ASIC2: variants seen among roughly 807,000 people sequenced by gnomAD.
The protein encoded by ASIC2 is acid-sensing ion channel 2.
In ASIC2, 25 loss-of-function variants were observed where a neutral mutation model predicts 57.3. The ratio of observed to expected loss-of-function variants is 0.44; its 90% CI spans 0.32 to 0.61. ASIC2 has a LOEUF of 0.61. ASIC2 is among the 20% of genes least tolerant of loss of function. The pLI, the probability that ASIC2 is intolerant of heterozygous loss-of-function variation, is 0.06. For missense variants in ASIC2, 641 were observed against 738.1 expected, an observed-to-expected ratio of 0.87 and a Z score of 1.52; for synonymous variants, 319 against 307.5, an observed-to-expected ratio of 1.04 and a Z score of -0.39.
At chr17:33,557,216 C>A (rs1292810483) in intron 1 of ASIC2, among the ~76,000 whole-genome samples, 1 of 142,410 alleles carries the variant, frequency 7.0e-6, no homozygotes, top group Non-Finnish European at 1.5e-5. Context: ...TGTTAAGTAA[C>A]TTATCTAGTC....
chr17:33,282,208 G>A (rs761976615), intron 1 of ASIC2, among the ~76,000 whole-genome samples: 6 of 152,076 alleles, frequency 3.9e-5, no homozygotes, highest in Non-Finnish European at 7.4e-5. Flanking sequence ...AAACCTTACC[G>A]GCTTCAAACA....
At chr17:33,465,548 A>G (rs963747037) in intron 1 of ASIC2, among the ~76,000 whole-genome samples, 2 of 151,638 alleles carry the variant, frequency 1.3e-5, no homozygotes, top group Non-Finnish European at 2.9e-5. Context: ...TGAATTTTGT[A>G]TTTTTAGTAG....
At chr17:33,476,836 C>T (rs1010538222) in intron 1 of ASIC2, among the ~76,000 whole-genome samples, 2 of 152,072 alleles carry the variant, frequency 1.3e-5, no homozygotes, top group African/African-American at 4.8e-5. Context: ...ACCCAGAAGC[C>T]TTTCCAGTCA....
chr17:33,342,122 A>G (rs1907743304), intron 1 of ASIC2, among the ~76,000 whole-genome samples: 1 of 152,214 alleles, frequency 6.6e-6, no homozygotes, highest in Admixed American at 6.5e-5. Flanking sequence ...GGCAGGTGGT[A>G]TTAGTAGAAG....
intron 1 of ASIC2, among the ~76,000 whole-genome samples, chr17:33,426,771 C>CT (rs1487921295): frequency 6.6e-6 from 1 of 152,142 alleles, no homozygotes; most frequent in Non-Finnish European, 1.5e-5. Context: ...GATCTCTGTC[C>CT]TCATGGAGCT....
chr17:33,266,515 T>C (rs922321715), intron 1 of ASIC2, among the ~76,000 whole-genome samples: 4 of 151,688 alleles, frequency 2.6e-5, no homozygotes, highest in African/African-American at 9.7e-5. Flanking sequence ...TCTTTTTTCT[T>C]CTTCTTCAGG....
At chr17:33,161,204 T>A (rs1178991981) in intron 1 of ASIC2, among the ~76,000 whole-genome samples, 1 of 152,214 alleles carries the variant, frequency 6.6e-6, no homozygotes, top group African/African-American at 2.4e-5. Flanking sequence ...CCTTAGTCTT[T>A]CCTGCTGGAG....
intron 1 of ASIC2, among the ~76,000 whole-genome samples, chr17:33,162,732 C>G (rs9303661): frequency 0.26 from 39,465 of 152,078 alleles, 5,263 homozygotes; most frequent in East Asian, 0.4. Context: ...ATGCATTTCA[C>G]AAATTAATTG....
chr17:33,464,687 C>CTCTATATA (rs1264604173), intron 1 of ASIC2, among the ~76,000 whole-genome samples: 47 of 132,638 alleles, frequency 3.5e-4, no homozygotes, highest in African/African-American at 1.2e-3. Context: ...CTCTCTCTCT[C>CTCTATATA]TATATATATA....
chr17:33,718,475 T>C (rs1281374404), intron 1 of ASIC2, among the ~76,000 whole-genome samples: 1 of 152,008 alleles, frequency 6.6e-6, no homozygotes, highest in Non-Finnish European at 1.5e-5. Context: ...GATCTGAAAG[T>C]GTGAGAAGAT....
At chr17:33,112,113 C>A in intron 1 of ASIC2, 46 bp from the exon 2 acceptor site, 1 of 1,560,736 alleles carries the variant, frequency 6.4e-7, no homozygotes, top group Non-Finnish European at 8.7e-7. Context: ...TGGGTAACTT[C>A]AGACGGGGGT....
chr17:33,868,673 G>T (rs1382667482), intron 1 of ASIC2, among the ~76,000 whole-genome samples: 2 of 152,062 alleles, frequency 1.3e-5, no homozygotes. Context: ...CCCACAGAAT[G>T]GGAGAAAACT....
intron 1 of ASIC2, among the ~76,000 whole-genome samples, chr17:33,287,643 A>G (rs1424035992): frequency 6.6e-6 from 1 of 152,102 alleles, no homozygotes; most frequent in Non-Finnish European, 1.5e-5. Context: ...CTGCAACTAA[A>G]CACATCTCGA....
At chr17:33,216,237 A>G (rs1259533726) in intron 1 of ASIC2, among the ~76,000 whole-genome samples, 2 of 152,206 alleles carry the variant, frequency 1.3e-5, no homozygotes, top group Non-Finnish European at 2.9e-5. Flanking sequence ...AGGTCGGCGC[A>G]TCAACCTAAT....
intron 1 of ASIC2, among the ~76,000 whole-genome samples, chr17:33,422,349 A>G (rs1911073512): frequency 6.6e-6 from 1 of 152,326 alleles, no homozygotes; most frequent in Non-Finnish European, 1.5e-5. Context: ...CCCCGTCCCC[A>G]CAGCTCCACC....
At chr17:34,044,697 G>A (rs1330693470) in intron 1 of ASIC2, among the ~76,000 whole-genome samples, 1 of 152,158 alleles carries the variant, frequency 6.6e-6, no homozygotes, top group East Asian at 1.9e-4. Flanking sequence ...GGCCTTTAGT[G>A]GACGTGTTTG....
At chr17:33,382,092 G>T (rs1909510178) in intron 1 of ASIC2, among the ~76,000 whole-genome samples, 1 of 152,072 alleles carries the variant, frequency 6.6e-6, no homozygotes, top group Admixed American at 6.6e-5. Context: ...ATTGTTGTGG[G>T]TCACCTGCTC....
At position 33,048,694 on chromosome 17, in the gene ASIC2, A is replaced by G. The variant is rs1351125762; in HGVS notation, c.988-20302T>C. Among the ~76,000 whole-genome samples, 3 of 152,100 alleles carry G rather than the reference A, an allele frequency of 2.0e-5. No individual in the cohort carries two copies. In the East Asian group the frequency reaches 5.8e-4, roughly 29 times the overall value. ...AGCCCTGGGCCTTAAAAACCTGACT[A>G]GTTTCCCTAGCACTCCCTGGATGGG... On this transcript the variant is annotated intron_variant, in intron 3 of 9. Coordinates refer to ENST00000225823, the MANE Select transcript of ASIC2 (RefSeq NM_183377.2).
At chr17:33,092,598 A>G (rs1219186564) in intron 2 of ASIC2, among the ~76,000 whole-genome samples, 2 of 152,262 alleles carry the variant, frequency 1.3e-5, no homozygotes, top group African/African-American at 4.8e-5. Context: ...GAGGTCATCT[A>G]CATTTGGGCA....
Sources: gnomAD v4.1 joint callset for allele counts (sites outside exome capture counted in the v4.1 genomes callset) on GRCh38, gnomAD v4.1.1 for gene constraint, MANE v1.5 for transcripts, NCBI Gene and HGNC (gene_info 2026-07-23, HGNC 2026-07-21) for gene names.